Variants in MBNL1 observed in about 807,000 individuals in gnomAD.
The protein encoded by MBNL1 is muscleblind-like protein 1.
In MBNL1, 8 loss-of-function variants were observed where a neutral mutation model predicts 42.2. That is an observed-to-expected ratio of 0.19 (90% confidence interval 0.11 to 0.34). MBNL1 has a LOEUF of 0.34. MBNL1 is among the 10% of genes least tolerant of loss of function. The pLI is 1.00. For synonymous variants in MBNL1, 169 were observed against 173.9 expected, an observed-to-expected ratio of 0.97 and a Z score of 0.22; for missense variants, 309 against 495.3, an observed-to-expected ratio of 0.62 and a Z score of 3.57.
upstream of MBNL1, chr3:152,265,392 G>GTGTGTGTA (rs2037045262): frequency 7.0e-6 from 1 of 142,642 alleles, no homozygotes; most frequent in African/African-American, 2.8e-5. Context: ...GTGAGAGTGT[G>GTGTGTGTA]TGTGTGTGTG....
chr3:152,318,650 A>G (rs2073967979), intron 2 of MBNL1, among the ~76,000 whole-genome samples: 1 of 152,162 alleles, frequency 6.6e-6, no homozygotes, highest in African/African-American at 2.4e-5. Flanking sequence ...TCCAGCAGCA[A>G]CTGTTCACCC....
intron 2 of MBNL1, among the ~76,000 whole-genome samples, chr3:152,341,742 C>A (rs1390608715): frequency 6.6e-6 from 1 of 152,058 alleles, no homozygotes; most frequent in African/African-American, 2.4e-5. Flanking sequence ...CCTCATTAGG[C>A]ATATCCATGT....
At chr3:152,399,692 A>G (rs1385872769) in intron 2 of MBNL1, among the ~76,000 whole-genome samples, 2 of 151,900 alleles carry the variant, frequency 1.3e-5, no homozygotes, top group Non-Finnish European at 2.9e-5. Flanking sequence ...TTGTAGACAC[A>G]GGGTCTCACT....
chr3:152,334,557 T>C (rs2088075953), intron 2 of MBNL1, among the ~76,000 whole-genome samples: 1 of 152,224 alleles, frequency 6.6e-6, no homozygotes, highest in Non-Finnish European at 1.5e-5. Flanking sequence ...GACCTAATAT[T>C]TTCCCATTGG....
At chr3:152,309,819 A>G (rs565785474) in intron 2 of MBNL1, among the ~76,000 whole-genome samples, 3 of 152,270 alleles carry the variant, frequency 2.0e-5, no homozygotes, top group South Asian at 4.1e-4. Context: ...ACATCTCCCA[A>G]TCCTAGGAAG....
intron 8 of MBNL1, 125 bp downstream of exon 8, chr3:152,456,486 G>A: frequency 1.3e-6 from 1 of 751,354 alleles, no homozygotes; most frequent in East Asian, 2.5e-5. Flanking sequence ...GGCTGTAGAG[G>A]GTGCTTTAAT....
intron 2 of MBNL1, among the ~76,000 whole-genome samples, chr3:152,402,299 C>A (rs2098260457): frequency 6.6e-6 from 1 of 152,094 alleles, no homozygotes; most frequent in Non-Finnish European, 1.5e-5. Context: ...GTATATATTC[C>A]CCCATTTAAT....
chr3:152,296,732 G>T (rs1201369124), intron 1 of MBNL1, among the ~76,000 whole-genome samples: 1 of 151,540 alleles, frequency 6.6e-6, no homozygotes, highest in Non-Finnish European at 1.5e-5. Flanking sequence ...GTGTTCATGT[G>T]TTGTATTCAT....
chr3:152,246,310 C>T (rs890434085), intron 2 of MBNL1, among the ~76,000 whole-genome samples: 3 of 151,964 alleles, frequency 2.0e-5, no homozygotes, highest in African/African-American at 7.3e-5. Flanking sequence ...CAAATGAAGG[C>T]TAAAGCAGCA....
At chr3:152,433,584 A>G (rs1379390255) in intron 4 of MBNL1, among the ~76,000 whole-genome samples, 4 of 151,838 alleles carry the variant, frequency 2.6e-5, no homozygotes, top group Non-Finnish European at 5.9e-5. Context: ...CCCCATCTCT[A>G]CTAAAAATAC....
intron 2 of MBNL1, among the ~76,000 whole-genome samples, chr3:152,251,780 G>A (rs2034586741): frequency 6.6e-6 from 1 of 151,866 alleles, no homozygotes; most frequent in Non-Finnish European, 1.5e-5. Context: ...CATTTTTGTT[G>A]CCTAGTCAAG....
At chr3:152,405,836 A>C (rs2098414629) in intron 2 of MBNL1, among the ~76,000 whole-genome samples, 1 of 152,202 alleles carries the variant, frequency 6.6e-6, no homozygotes, top group African/African-American at 2.4e-5. Flanking sequence ...TATTATGTAA[A>C]TGTTAGGGCT....
intron 2 of MBNL1, among the ~76,000 whole-genome samples, chr3:152,320,252 G>A (rs748049762): frequency 4.6e-5 from 7 of 152,176 alleles, no homozygotes; most frequent in Non-Finnish European, 8.8e-5. Context: ...TTGTTGGACA[G>A]CAACATGTAA....
intron 2 of MBNL1, among the ~76,000 whole-genome samples, chr3:152,337,436 A>G (rs1339659341): frequency 6.6e-6 from 1 of 152,102 alleles, no homozygotes; most frequent in Non-Finnish European, 1.5e-5. Flanking sequence ...CCTGGCCAGC[A>G]TGGTGAAGGC....
At chr3:152,370,907 G>C (rs1296448121) in intron 2 of MBNL1, among the ~76,000 whole-genome samples, 4 of 151,580 alleles carry the variant, frequency 2.6e-5, no homozygotes, top group African/African-American at 9.7e-5. Flanking sequence ...ATGTGAGATG[G>C]GTCTCCCGAA....
chr3:152,419,100 A>C (rs953230617), intron 3 of MBNL1, among the ~76,000 whole-genome samples: 3 of 152,212 alleles, frequency 2.0e-5, no homozygotes, highest in South Asian at 2.1e-4. Context: ...CTGTGTCCAC[A>C]CAGATTAATA....
chr3:152,275,739 A>G (rs1181018131), intron 1 of MBNL1, among the ~76,000 whole-genome samples: 2 of 150,302 alleles, frequency 1.3e-5, no homozygotes, highest in Admixed American at 6.6e-5. Flanking sequence ...AAAAAGGCTA[A>G]TGTTTATACC....
intron 2 of MBNL1, among the ~76,000 whole-genome samples, chr3:152,333,076 CAT>C (rs1027862732): frequency 1.3e-5 from 2 of 152,140 alleles, no homozygotes; most frequent in African/African-American, 4.8e-5. Context: ...TCTCTAAACT[CAT>C]AATTATTGTT....
chr3:152,365,662 A>G (rs1018404762), intron 2 of MBNL1, among the ~76,000 whole-genome samples: 1 of 152,138 alleles, frequency 6.6e-6, no homozygotes, highest in Non-Finnish European at 1.5e-5. Flanking sequence ...CTGGTGTCTT[A>G]AGAACAGTTT....
Sources: gnomAD v4.1 joint callset for allele counts (sites outside exome capture counted in the v4.1 genomes callset) on GRCh38, gnomAD v4.1.1 for gene constraint, MANE v1.5 for transcripts, NCBI Gene and HGNC (gene_info 2026-07-23, HGNC 2026-07-21) for gene names.